DST: variants seen among roughly 807,000 people sequenced by gnomAD.
DST encodes the protein dystonin, also known as bullous pemphigoid antigen.
In DST, 253 loss-of-function variants were observed where a neutral mutation model predicts 875.2. The observed-to-expected ratio is 0.29, with a 90% CI of 0.26 to 0.32. DST has a LOEUF of 0.32. DST is among the 10% of genes least tolerant of loss of function. The probability of loss-of-function intolerance (pLI) is 1.00; values close to 1 mark genes in which losing one functional copy is unlikely to be tolerated. For missense variants in DST, 8,287 were observed against 9,111.6 expected (o/e 0.91, Z 3.68); for synonymous variants, 3,124 against 3,197.1 (o/e 0.98, Z 0.77).
chr6:56,466,335 G>A (rs977266466), intron 98 of DST, 140 bp from the exon 99 acceptor site: 15 of 507,384 alleles, frequency 3.0e-5, no homozygotes, highest in Non-Finnish European at 4.7e-5. Flanking sequence ...CTCAGAAAAG[G>A]GGGTTTGTAA....
In DST at chr6:56,458,905, G is replaced by A. The variant is rs2094184185; in HGVS notation, c.*100C>T. ...AGGCCATCTGCAGAATTTTAAACTCGCCTCTTGCAATATTTCACAAGAATT... is the reference window on the plus strand; with the variant it reads ...AGGCCATCTGCAGAATTTTAAACTCACCTCTTGCAATATTTCACAAGAATT... On this transcript the variant is annotated 3_prime_UTR_variant, in exon 104 of 104. Coordinates refer to ENST00000680361, the MANE Select transcript of DST (RefSeq NM_001374736.1). 3.2e-6 allele frequency: 4 copies of A among 1,263,910 alleles called. No individual in the cohort carries two copies. The highest frequency in any genetic ancestry group is 4.2e-6 in the Non-Finnish European group (4 of 946,572). 78.3% of individuals were successfully genotyped at this position (1,263,910 alleles called of 1,614,324 possible).
chr6:56,812,851 A>C (rs953229106), intron 4 of DST, among the ~76,000 whole-genome samples: 16 of 152,164 alleles, frequency 1.1e-4, no homozygotes, highest in Admixed American at 2.0e-4. Context: ...CTAGAACTAG[A>C]AATACCATTT....
chr6:56,829,192 G>A (rs1041361063), intron 4 of DST, among the ~76,000 whole-genome samples: 3 of 152,196 alleles, frequency 2.0e-5, no homozygotes, highest in African/African-American at 7.2e-5. Context: ...TGTATATGGT[G>A]ATCACTTAGC....
At chr6:56,482,606 T>A (rs2095438004) in intron 89 of DST, 77 bp downstream of exon 89, 1 of 1,478,238 alleles carries the variant, frequency 6.8e-7, no homozygotes, top group African/African-American at 1.4e-5. Context: ...GGCCTCACAA[T>A]TTTTTACTAG....
chr6:56,710,403 C>T lies in DST; in HGVS notation c.688-6034G>A, dbSNP rs76732855. ...AAGAAACATAAATAATAAAAGAAGG[C>T]TTGTCCCAAATGAGATCGCCTCACT... is the stretch of plus-strand genomic sequence containing the variant. On this transcript the variant is annotated intron_variant, in intron 5 of 103. Coordinates refer to ENST00000680361, the MANE Select transcript of DST (RefSeq NM_001374736.1). 7.8e-3 allele frequency among the ~76,000 whole-genome samples: 1,195 copies of T among 152,246 alleles called. 23 individuals carry two copies. Among genetic ancestry groups the T allele is most frequent in the African/African-American group, 0.028 (1,155 of 41,548 alleles).
chr6:56,668,610 T>TA (rs1363075644), intron 10 of DST, among the ~76,000 whole-genome samples: 3 of 151,508 alleles, frequency 2.0e-5, no homozygotes, highest in African/African-American at 7.3e-5. Flanking sequence ...TTTAAAAAAT[T>TA]TAAAAAAATT....
At chr6:56,570,968 C>G (rs1478537151) in intron 53 of DST, among the ~76,000 whole-genome samples, 2 of 152,204 alleles carry the variant, frequency 1.3e-5, no homozygotes, top group Admixed American at 1.3e-4. Context: ...ACTACAGTCA[C>G]GTTTATGGAT....
intron 9 of DST, among the ~76,000 whole-genome samples, chr6:56,691,098 T>C (rs1319825677): frequency 6.6e-6 from 1 of 152,190 alleles, no homozygotes; most frequent in African/African-American, 2.4e-5. Context: ...GAAAGGCTAA[T>C]GTACCACTAA....
chr6:56,677,809 T>C (rs932158548), intron 9 of DST, among the ~76,000 whole-genome samples: 3 of 152,192 alleles, frequency 2.0e-5, no homozygotes, highest in African/African-American at 7.2e-5. Context: ...CTGCCCATAT[T>C]TGATCTGGGC....
intron 10 of DST, among the ~76,000 whole-genome samples, chr6:56,651,664 C>G (rs2098976447): frequency 6.6e-6 from 1 of 152,122 alleles, no homozygotes. Context: ...TGCACCATAC[C>G]CTTTCACATC....
At chr6:56,534,287 G>C (rs866645846) in intron 63 of DST, among the ~76,000 whole-genome samples, 6 of 152,110 alleles carry the variant, frequency 3.9e-5, no homozygotes, top group Non-Finnish European at 8.8e-5. Context: ...TAAAGTTCCA[G>C]AGGGGAGAAA....
rs774298279 is a variant in DST at position 56,616,457 on chromosome 6, T to C, written c.4930-1973A>G. On this transcript the variant is annotated intron_variant, in intron 36 of 103. Transcript: ENST00000680361. ...TTTAGTATCTACTACAGAAATTCTA[T>C]GTGTTTTCTTGACATTGAGATTGGA... 5.0e-6 allele frequency: 8 copies of C among 1,614,136 alleles called. No homozygotes were observed. The South Asian group carries it at 6.6e-5, about 13-fold the overall frequency.
intron 4 of DST, chr6:56,843,517 C>T: frequency 1.0e-6 from 1 of 985,190 alleles, no homozygotes. Context: ...GCGCCCGGAC[C>T]CTCTGCGGCC....
intron 4 of DST, among the ~76,000 whole-genome samples, chr6:56,773,821 C>T (rs904038817): frequency 2.0e-5 from 3 of 152,096 alleles, no homozygotes; most frequent in Non-Finnish European, 4.4e-5. Flanking sequence ...ATCAGTCTTC[C>T]TAGAATTTCT....
Position 56,501,091 on chromosome 6 carries a change from C to A in DST, c.19885G>T (p.Ala6629Ser). ...GDPKAIEIEL[A>S]KHHVLQNDVL... ...TAACAGCTACGTACATGATGCTTGG[C>A]AAGTTCAATTTCAATGGCTTTAGGG... Residue 6629 changes from alanine (A) to serine (S), a missense_variant, in exon 80 of 104, where the codon GCC becomes TCC. Transcript: ENST00000680361. 6.2e-7 allele frequency: 1 copy of A among 1,612,252 alleles called. No individual in the cohort carries two copies. Among genetic ancestry groups the A allele is most frequent in the South Asian group, 1.1e-5 (1 of 90,952 alleles).
rs1000008561 is a variant in DST at position 56,664,243 on chromosome 6, T to G, written c.1214+6398A>C. ...GACTTGTTTGCACACAGAGCAATGT[T>G]AGGCACTGCTGTTTTGGAATTTGGC... On this transcript the variant is annotated intron_variant, in intron 10 of 103. Transcript: ENST00000680361. Among the ~76,000 whole-genome samples the G allele has an allele frequency of 3.9e-5, 6 of 152,332 alleles. No individual in the cohort carries two copies. The South Asian group carries it at 1.2e-3, about 32-fold the overall frequency.
intron 63 of DST, among the ~76,000 whole-genome samples, chr6:56,533,886 CTTAAATACAAAAAAAAAAT>C (rs1054461065): frequency 1.3e-5 from 2 of 151,452 alleles, no homozygotes; most frequent in Admixed American, 1.3e-4. Context: ...AGCAGTAAGT[CTTAAATACAAAAAAAAAAT>C]TGAGGGTAAA....
chr6:56,778,335 T>A (rs1229466877), intron 4 of DST, among the ~76,000 whole-genome samples: 1 of 150,378 alleles, frequency 6.6e-6, no homozygotes, highest in African/African-American at 2.5e-5. Flanking sequence ...GTGCCCAGAG[T>A]CTTCCTTATT....
intron 2 of DST, among the ~76,000 whole-genome samples, chr6:56,930,492 T>C (rs368801231): frequency 1.4e-4 from 22 of 152,334 alleles, no homozygotes; most frequent in East Asian, 5.8e-4. Flanking sequence ...AAATCTTTAG[T>C]TATATCTTCC....
Sources: gnomAD v4.1 joint callset for allele counts (sites outside exome capture counted in the v4.1 genomes callset) on GRCh38, gnomAD v4.1.1 for gene constraint, MANE v1.5 for transcripts, NCBI Gene and HGNC (gene_info 2026-07-23, HGNC 2026-07-21) for gene names.